The following CEP83 variants were observed in gnomAD, a reference collection of about 807,000 sequenced individuals.
CEP83 encodes the protein centrosomal protein 83.
In CEP83, 70 loss-of-function variants were observed where a neutral mutation model predicts 101.9. The ratio of observed to expected loss-of-function variants is 0.69; its 90% CI spans 0.57 to 0.84. The LOEUF is 0.84. Ranked by LOEUF, CEP83 falls within the 40% of genes least tolerant of loss-of-function variation. The pLI is 0.00. For missense variants in CEP83, 715 were observed against 787.2 expected (o/e 0.91, Z 1.10); for synonymous variants, 264 against 267.9 (o/e 0.99, Z 0.14).
intron 1 of CEP83, among the ~76,000 whole-genome samples, chr12:94,439,146 C>T (rs542163579): frequency 2.0e-5 from 3 of 152,060 alleles, no homozygotes; most frequent in East Asian, 3.9e-4. Flanking sequence ...AAACCAAAAC[C>T]CAGCAGAAGA....
chr12:94,362,850 G>A (rs1406778408), intron 11 of CEP83, among the ~76,000 whole-genome samples: 4 of 152,226 alleles, frequency 2.6e-5, no homozygotes, highest in Non-Finnish European at 5.9e-5. Flanking sequence ...ATACTATTCA[G>A]CCATAAAAAA....
At chr12:94,390,649 C>T (rs542423052) in intron 6 of CEP83, among the ~76,000 whole-genome samples, 1 of 152,302 alleles carries the variant, frequency 6.6e-6, no homozygotes, top group East Asian at 1.9e-4. Context: ...CAGAAGTAGG[C>T]TTCAGAAGGT....
At chr12:94,305,076 A>G (rs146169542), downstream of CEP83, 380 of 672,812 alleles carry the variant, frequency 5.6e-4, 1 homozygote, top group East Asian at 9.8e-3. Context: ...AAATGTTGGC[A>G]TCTGTTTCAT....
the CEP83 span, chr12:94,298,694 A>G: frequency 2.5e-6 from 4 of 1,612,734 alleles, no homozygotes; most frequent in Non-Finnish European, 3.4e-6. Context: ...CCAACAGCAG[A>G]GCTCCATTTG....
At chr12:94,287,208 G>C in the CEP83 span, among the ~76,000 whole-genome samples, 1 of 152,228 alleles carries the variant, frequency 6.6e-6, no homozygotes, top group South Asian at 2.1e-4. Context: ...AAAGGGTTAA[G>C]CGTGTCTTTA....
At chr12:94,315,268 T>C (rs1970494252) in intron 14 of CEP83, among the ~76,000 whole-genome samples, 1 of 152,172 alleles carries the variant, frequency 6.6e-6, no homozygotes, top group Admixed American at 6.6e-5. Flanking sequence ...TTTTAGCTTT[T>C]GCATCCTGTT....
intron 1 of CEP83, among the ~76,000 whole-genome samples, chr12:94,457,617 G>A (rs2067780655): frequency 1.3e-5 from 2 of 152,256 alleles, no homozygotes; most frequent in South Asian, 2.1e-4. Context: ...AAAAAAGGAG[G>A]AGAGAACTAA....
chr12:94,383,456 A>G (rs992305315), intron 6 of CEP83, among the ~76,000 whole-genome samples: 1 of 152,064 alleles, frequency 6.6e-6, no homozygotes, highest in African/African-American at 2.4e-5. Flanking sequence ...AGTAGAAACC[A>G]TATGTCATAA....
chr12:94,438,384 C>G (rs771627703), intron 1 of CEP83, among the ~76,000 whole-genome samples: 3 of 152,092 alleles, frequency 2.0e-5, no homozygotes, highest in Non-Finnish European at 4.4e-5. Flanking sequence ...CAAACGTGAG[C>G]AGGAACAGCT....
intron 1 of CEP83, among the ~76,000 whole-genome samples, chr12:94,437,267 C>T (rs1393899502): frequency 1.3e-5 from 2 of 151,956 alleles, no homozygotes; most frequent in Non-Finnish European, 2.9e-5. Flanking sequence ...ATCACCTGAA[C>T]CTGGCAGGTG....
chr12:94,302,991 A>G (rs1469600883), downstream of CEP83, among the ~76,000 whole-genome samples: 2 of 152,240 alleles, frequency 1.3e-5, no homozygotes, highest in Non-Finnish European at 2.9e-5. Flanking sequence ...AGAATGATTC[A>G]TCAAGCCATT....
At position 94,443,783 on chromosome 12, in the gene CEP83, G is replaced by A. The variant is rs193170618; in HGVS notation, c.-154-8456C>T. On this transcript the variant is annotated intron_variant, in intron 1 of 16. Transcript: ENST00000397809. ...ATTACAGGCATGAGCCACTGTGCCCGGCCTAATTTATTCTATATTCTATAA... is the reference window on the plus strand; with the variant it reads ...ATTACAGGCATGAGCCACTGTGCCCAGCCTAATTTATTCTATATTCTATAA... Among the ~76,000 whole-genome samples, 8 of 151,996 alleles carry A rather than the reference G, an allele frequency of 5.3e-5. No individual in the cohort carries two copies. The East Asian group carries it at 9.7e-4, about 18-fold the overall frequency.
chr12:94,266,806 C>T, the CEP83 span, among the ~76,000 whole-genome samples: 1 of 152,188 alleles, frequency 6.6e-6, no homozygotes, highest in African/African-American at 2.4e-5. Flanking sequence ...TAGAACATTG[C>T]CAGGCATGTG....
At chr12:94,296,223 C>T in the CEP83 span, among the ~76,000 whole-genome samples, 9 of 152,162 alleles carry the variant, frequency 5.9e-5, no homozygotes, top group African/African-American at 2.2e-4. Context: ...TGCAGTGGTA[C>T]AATCATGGCT....
downstream of CEP83, chr12:94,303,813 G>T (rs1206415321): frequency 6.5e-7 from 1 of 1,538,164 alleles, no homozygotes; most frequent in Non-Finnish European, 8.8e-7. Context: ...CAAAGAAGAA[G>T]TAAAATCTTA....
chr12:94,390,729 A>G (rs550287675), intron 6 of CEP83, among the ~76,000 whole-genome samples: 1 of 152,332 alleles, frequency 6.6e-6, no homozygotes, highest in East Asian at 1.9e-4. Context: ...AAGAACCTTG[A>G]AAAAAGATTA....
chr12:94,376,720 C>T (rs1002587578), intron 7 of CEP83, among the ~76,000 whole-genome samples: 4 of 122,212 alleles, frequency 3.3e-5, no homozygotes, highest in African/African-American at 1.2e-4. Context: ...CACACACACA[C>T]ACACACACAC....
intron 1 of CEP83, among the ~76,000 whole-genome samples, chr12:94,438,166 C>T (rs557185435): frequency 3.8e-4 from 57 of 151,856 alleles, no homozygotes; most frequent in African/African-American, 1.3e-3. Flanking sequence ...TTGCAGTGAG[C>T]CGAGATCATG....
the CEP83 span, among the ~76,000 whole-genome samples, chr12:94,300,002 TG>T: frequency 6.6e-6 from 1 of 152,018 alleles, no homozygotes; most frequent in African/African-American, 2.4e-5. Flanking sequence ...TAGCAGCATA[TG>T]GGGGAGGTAA....
Sources: allele counts gnomAD v4.1 joint callset (sites outside exome capture counted in the v4.1 genomes callset), GRCh38; gene constraint gnomAD v4.1.1; transcripts MANE v1.5; gene names NCBI Gene and HGNC (gene_info 2026-07-23, HGNC 2026-07-21).